The following ELMO3 variants were observed in gnomAD, a reference collection of about 807,000 sequenced individuals.
ELMO3 encodes engulfment and cell motility protein 3.
A neutral mutation model predicts 89.0 loss-of-function variants in ELMO3; 81 were observed. The ratio of observed to expected loss-of-function variants is 0.91; its 90% CI spans 0.76 to 1.09. The LOEUF is 1.09. Ranked by LOEUF, ELMO3 falls within the 50% of genes least tolerant of loss-of-function variation. The pLI, the probability that ELMO3 is intolerant of heterozygous loss-of-function variation, is 0.00. For synonymous variants in ELMO3, 406 were observed against 400.6 expected, an observed-to-expected ratio of 1.01 and a Z score of -0.16; for missense variants, 959 against 972.8, an observed-to-expected ratio of 0.99 and a Z score of 0.19.
chr16:67,201,938 C>G (rs371449770), intron 11 of ELMO3, 39 bp from the exon 12 acceptor site: 1 of 1,607,792 alleles, frequency 6.2e-7, no homozygotes, highest in East Asian at 2.2e-5. Flanking sequence ...TCCAGGCGGC[C>G]GTGGCCCTTC....
At chr16:67,200,024 T>A (rs764159093) in intron 4 of ELMO3, 23 bp downstream of exon 4, 89 of 1,611,314 alleles carry the variant, frequency 5.5e-5, no homozygotes, top group Non-Finnish European at 6.7e-5. Context: ...CCGTCCCGCC[T>A]TCCCCATCCC....
intron 7 of ELMO3, 35 bp from the exon 8 acceptor site, chr16:67,200,855 C>G (rs369721306): frequency 1.5e-5 from 24 of 1,613,516 alleles, no homozygotes; most frequent in Middle Eastern, 3.3e-4. Context: ...AGGGCTGGAG[C>G]CTGAATGTTC....
chr16:67,201,536 C>T lies in ELMO3; in HGVS notation c.812C>T (p.Ala271Val), dbSNP rs906403275. 2.5e-6 allele frequency: 4 copies of T among 1,613,990 alleles called. No individual in the cohort carries two copies. Among genetic ancestry groups the T allele is most frequent in the Admixed American group, 1.7e-5 (1 of 60,006 alleles). ...GTCCTGCAGAACATCATCCACAGTG[C>T]AGCACCAATGGGCGACGAGATGGCT... ...QFIYKNIIHS[A>V]APMGDEMAHH... The change falls in exon 10 of 20, where the codon GCA (alanine) becomes GTA (valine). Residue 271 changes from alanine to valine, a missense_variant. Coordinates refer to ENST00000393997, the MANE Select transcript of ELMO3 (RefSeq NM_024712.5).
rs770411417 is a variant in ELMO3 at position 67,201,818 on chromosome 16, G to A, written c.995G>A (p.Ser332Asn). 3 of 1,612,060 alleles carry A rather than the reference G, an allele frequency of 1.9e-6. No homozygotes were observed. Among genetic ancestry groups the A allele is most frequent in the South Asian group, 2.2e-5 (2 of 91,070 alleles). The change falls in exon 11 of 20, where the codon AGT (serine) becomes AAT (asparagine). Residue 332 changes from serine (S) to asparagine (N), a missense_variant. Transcript: ENST00000393997. ...GGGGAGTCCTCGGGTGCCGGGCTAA[G>A]TGCTGACCGTCGCCGTTCCCTCTGT... ...VEGESSGAGL[S>N]ADRRRSLCAR...
Position 67,199,894 on chromosome 16 carries a change from T to G in ELMO3, c.193-57T>G, listed in dbSNP as rs2033058182. 3.1e-6 allele frequency: 5 copies of G among 1,612,918 alleles called. No individual in the cohort carries two copies. The East Asian group carries it at 1.1e-4, about 36-fold the overall frequency. ...CCAGCCGCCCTCACCGACACCCCAG[T>G]TGATCAGTCCTCGGAGCCCTCCCTG... On this transcript the variant is annotated intron_variant, in intron 3 of 19. Transcript: ENST00000393997.
chr16:67,199,999 C>T lies in ELMO3; in HGVS notation c.241C>T (p.Pro81Ser), dbSNP rs200097822. The T allele has an allele frequency of 3.6e-5, 58 of 1,613,606 alleles. No homozygotes were observed. The African/African-American group carries it at 4.1e-4, about 12-fold the overall frequency. The change falls in exon 4 of 20, where the codon CCA becomes TCA. Residue 81 changes from proline to serine, a missense_variant and splice_region_variant. Coordinates refer to ENST00000393997, the MANE Select transcript of ELMO3 (RefSeq NM_024712.5). ...CAGCATCCTGTGCCTCAGCACGGCCCCAGTAATGCCCCTCCCGTCCCGCCT... is the reference window on the plus strand; with the variant it reads ...CAGCATCCTGTGCCTCAGCACGGCCTCAGTAATGCCCCTCCCGTCCCGCCT... ...NGSILCLSTA[P>S]DLEAEQLLGG... is the part of the protein sequence containing the mutation.
Position 67,199,381 on chromosome 16 carries a change from C to G in ELMO3, c.55C>G (p.Pro19Ala). 1 of 1,607,988 alleles carries G rather than the reference C, an allele frequency of 6.2e-7. No individual in the cohort carries two copies. The highest frequency in any genetic ancestry group is 8.5e-7 in the Non-Finnish European group (1 of 1,179,054). Reference sequence around the variant, plus strand: ...TGCCATCAAGATGCGTGACGCCATCCCGCAGCTCATCCAGCTGGACCAGGT... The same window carrying G: ...TGCCATCAAGATGCGTGACGCCATCGCGCAGCTCATCCAGCTGGACCAGGT... ...KIAIKMRDAI[P>A]QLIQLDQAKP... is the part of the protein sequence containing the mutation. The change falls in exon 1 of 20, where the codon CCG becomes GCG. Residue 19 changes from proline to alanine, a missense_variant. Coordinates refer to ENST00000393997, the MANE Select transcript of ELMO3 (RefSeq NM_024712.5).
rs777479854 is a variant in ELMO3 at position 67,199,222 on chromosome 16, G to A, written c.-105G>A. On this transcript the variant is annotated 5_prime_UTR_variant, in exon 1 of 20. Coordinates refer to ENST00000393997, the MANE Select transcript of ELMO3 (RefSeq NM_024712.5). ...GTGCGGGACACCGAGGTCAGGTCTCGGAAAGGGAGGACCTCCTCGTCCCCA... is the reference window on the plus strand; with the variant it reads ...GTGCGGGACACCGAGGTCAGGTCTCAGAAAGGGAGGACCTCCTCGTCCCCA... 1 of 1,611,116 alleles carries A rather than the reference G, an allele frequency of 6.2e-7. No individual in the cohort carries two copies. Among genetic ancestry groups the A allele is most frequent in the Admixed American group, 1.7e-5 (1 of 59,810 alleles).
Position 67,202,710 on chromosome 16 carries a change from T to C in ELMO3, c.1482T>C (p.Asn494=), listed in dbSNP as rs980808339. 6.2e-7 allele frequency: 1 copy of C among 1,613,634 alleles called. No individual in the cohort carries two copies. The highest frequency in any genetic ancestry group is 8.5e-7 in the Non-Finnish European group (1 of 1,179,992). The change falls in exon 15 of 20, where the codon AAT becomes AAC. Residue 494 remains asparagine (N), a synonymous_variant. Coordinates refer to ENST00000393997, the MANE Select transcript of ELMO3 (RefSeq NM_024712.5). ...TGGAGCTCTTCCGAACCAAGGTGAA[T>C]GCGCTCACTTATGGGGAGGTGCTGC... ...TSLELFRTKV[N]ALTYGEVLRL...
At position 67,202,227 on chromosome 16, in the gene ELMO3, C is replaced by T. The variant is rs142151904; in HGVS notation, c.1204C>T (p.Arg402Trp). 25 of 1,605,458 alleles carry T rather than the reference C, an allele frequency of 1.6e-5. No individual in the cohort carries two copies. The highest frequency in any genetic ancestry group is 4.0e-5 in the African/African-American group (3 of 74,932). ...REDKHECPFARGSIQLTVLLC... is the reference protein window; with the variant it reads ...REDKHECPFAWGSIQLTVLLC... ...GGACAAGCACGAGTGCCCCTTTGCC[C>T]GGGGCAGCATCCAGCTGACGGTGCT... The change falls in exon 13 of 20, where the codon CGG becomes TGG. Residue 402 changes from arginine to tryptophan, a missense_variant. Arg to Trp is a moderately radical substitution (Grantham distance 101, BLOSUM62 -3). Coordinates refer to ENST00000393997, the MANE Select transcript of ELMO3 (RefSeq NM_024712.5).
In ELMO3 at chr16:67,202,493, C is replaced by T. The variant is rs1483463306; in HGVS notation, c.1358C>T (p.Thr453Ile). 3 of 1,612,892 alleles carry T rather than the reference C, an allele frequency of 1.9e-6. No individual in the cohort carries two copies. The South Asian group carries it at 3.3e-5, about 18-fold the overall frequency. Residue 453 changes from threonine (T) to isoleucine (I), a missense_variant, in exon 14 of 20, where the codon ACC (threonine) becomes ATC (isoleucine). Physicochemically the swap from Thr to Ile is moderately conservative, Grantham distance 89 (BLOSUM62 -1). Coordinates refer to ENST00000393997, the MANE Select transcript of ELMO3 (RefSeq NM_024712.5). Reference sequence around the variant, plus strand: ...GTGGGCATCCAGCTGTTGAATAAGACCTGGAAGGAGATGCGGGCTACACAG... The same window carrying T: ...GTGGGCATCCAGCTGTTGAATAAGATCTGGAAGGAGATGCGGGCTACACAG... ...FCVGIQLLNK[T>I]WKEMRATQED...
Position 67,202,081 on chromosome 16 carries a change from C to T in ELMO3, c.1152+3C>T, listed in dbSNP as rs753315355. 15 of 541,364 alleles carry T rather than the reference C, an allele frequency of 2.8e-5. No individual in the cohort carries two copies. The highest frequency in any genetic ancestry group is 3.1e-4 in the Middle Eastern group (1 of 3,198). 33.5% of individuals were successfully genotyped at this position (541,364 alleles called of 1,614,324 possible). A position where few individuals can be genotyped will look rare whatever the true frequency, so the allele number is the denominator to read the frequency against. On this transcript the variant is annotated splice_donor_region_variant and intron_variant, in intron 12 of 19. Coordinates refer to ENST00000393997, the MANE Select transcript of ELMO3 (RefSeq NM_024712.5). ...ACGCGCCCAGCGCGTACAGCCGGGTCGGTGACAGGGTAGGGTGGGGGGGTG... is the reference window on the plus strand; with the variant it reads ...ACGCGCCCAGCGCGTACAGCCGGGTTGGTGACAGGGTAGGGTGGGGGGGTG...
Position 67,203,457 on chromosome 16 carries a change from C to T in ELMO3, c.1864-40C>T. On this transcript the variant is annotated intron_variant, in intron 18 of 19. Transcript: ENST00000393997. This position sits in a 1 kb window ranked among gnomAD's most constrained non-coding sequence, Gnocchi z 4.6. The stretch of plus-strand genomic sequence containing the variant: ...TCCTTCCCACCCGCCCCCGCCTACC[C>T]TGTCCCCTGCTCAGTGTCCCCGCTC... The T allele has an allele frequency of 6.2e-7, 1 of 1,613,046 alleles. No individual in the cohort carries two copies. Among genetic ancestry groups the T allele is most frequent in the Non-Finnish European group, 8.5e-7 (1 of 1,179,420 alleles).
In ELMO3 at chr16:67,201,631, C is replaced by T. The variant is rs774323005; in HGVS notation, c.907C>T (p.Pro303Ser). ...LEPRMRTPLD[P>S]YSQEQREQLQ... ...GCCGCGCATGCGGACGCCCCTGGAC[C>T]CCTACAGCCAGGTGTGTGTCTTTGG... The change falls in exon 10 of 20, where the codon CCC becomes TCC. Residue 303 changes from proline (P) to serine (S), a missense_variant. Pro to Ser is a moderately conservative substitution (Grantham distance 74). Transcript: ENST00000393997. 1 of 1,612,688 alleles carries T rather than the reference C, an allele frequency of 6.2e-7. No homozygotes were observed. The highest frequency in any genetic ancestry group is 1.3e-5 in the African/African-American group (1 of 75,040).
At chr16:67,201,703 A>G in intron 10 of ELMO3, 39 bp from the exon 11 acceptor site, 1 of 1,607,706 alleles carries the variant, frequency 6.2e-7, no homozygotes, top group Non-Finnish European at 8.5e-7. Flanking sequence ...TGAATCTATA[A>G]TCTTGATCCC....
chr16:67,199,782 G>A (rs2033055540), intron 3 of ELMO3, 26 bp downstream of exon 3: 2 of 1,606,214 alleles, frequency 1.2e-6, no homozygotes, highest in African/African-American at 1.4e-5. Context: ...CCAGCCCCAA[G>A]CTCGGCCTTC....
Position 67,201,855 on chromosome 16 carries a change from C to T in ELMO3, c.1032C>T (p.Phe344=). ...DRRRSLCARE[F]RKLGFSNSNP... is the part of the protein sequence containing the mutation. ...GCCGTTCCCTCTGTGCCCGAGAGTT[C>T]CGCAAACTGGGCTTTTCTGTGAGTA... Residue 344 remains phenylalanine (F), a synonymous_variant, in exon 11 of 20, where the codon TTC becomes TTT. Coordinates refer to ENST00000393997, the MANE Select transcript of ELMO3 (RefSeq NM_024712.5). The T allele has an allele frequency of 6.2e-7, 1 of 1,609,124 alleles. No individual in the cohort carries two copies. The highest frequency in any genetic ancestry group is 8.5e-7 in the Non-Finnish European group (1 of 1,178,520).
chr16:67,202,863 A>G, intron 15 of ELMO3, 29 bp from the exon 16 acceptor site: 1 of 1,613,140 alleles, frequency 6.2e-7, no homozygotes, highest in Non-Finnish European at 8.5e-7. Context: ...TCCCCAGGTC[A>G]GATGTGCTCA....
rs1272684211 is a variant in ELMO3, at chr16:67,199,773, CA to C, written c.192+18del. The C allele has an allele frequency of 3.1e-6, 5 of 1,609,890 alleles. No homozygotes were observed. The highest frequency in any genetic ancestry group is 2.7e-5 in the African/African-American group (2 of 74,920). On this transcript the variant is annotated intron_variant, in intron 3 of 19. Coordinates refer to ENST00000393997, the MANE Select transcript of ELMO3 (RefSeq NM_024712.5). ...ACCGAGAATGTGAGTCCCCTCTCCCCAGCCCCAAGCTCGGCCTTCCGACCCC... is the reference window on the plus strand; with the variant it reads ...ACCGAGAATGTGAGTCCCCTCTCCCCGCCCCAAGCTCGGCCTTCCGACCCC...
Sources: allele counts gnomAD v4.1 joint callset, GRCh38; gene constraint gnomAD v4.1.1; non-coding constraint Gnocchi (gnomAD v3.1); transcripts MANE v1.5; gene names NCBI Gene and HGNC (gene_info 2026-07-23, HGNC 2026-07-21).